APOBEC3G: variants seen among roughly 807,000 people sequenced by gnomAD.
The protein encoded by APOBEC3G is DNA dC->dU-editing enzyme APOBEC-3G.
In APOBEC3G, 44 loss-of-function variants were observed where a neutral mutation model predicts 50.0. The ratio of observed to expected loss-of-function variants is 0.88; its 90% confidence interval spans 0.69 to 1.13. The LOEUF (loss-of-function observed/expected upper bound fraction) is 1.13. Ranked by LOEUF, APOBEC3G falls within the 50% of genes most tolerant of loss-of-function variation. APOBEC3G has a pLI of 0.00. For synonymous variants in APOBEC3G, 156 were observed against 175.3 expected (o/e 0.89, Z 0.87); for missense variants, 469 against 492.0 (o/e 0.95, Z 0.44).
rs1349807999 is a variant in APOBEC3G at position 39,081,327 on chromosome 22, G to C, written c.466+100G>C. ...GTGGGTCTGCTCTGATGCCTGCAAA[G>C]GCCAAGTGTCCCAGGGGAGCCTGTG... On this transcript the variant is annotated intron_variant, in intron 3 of 7. Coordinates refer to ENST00000407997, the MANE Select transcript of APOBEC3G (RefSeq NM_021822.4). 7 of 1,557,152 alleles carry C rather than the reference G, an allele frequency of 4.5e-6. No individual in the cohort carries two copies. The African/African-American group carries it at 8.1e-5, about 18-fold the overall frequency.
rs1357485481 is a variant in APOBEC3G at position 39,077,319 on chromosome 22, G to A, written c.-43G>A. Reference sequence around the variant, plus strand: ...AGCTTGGAGCAGAAAGTGAAACCCTGGTGCTCCAGACAAAGATCTTAGTCG... The same window carrying A: ...AGCTTGGAGCAGAAAGTGAAACCCTAGTGCTCCAGACAAAGATCTTAGTCG... On this transcript the variant is annotated 5_prime_UTR_variant, in exon 1 of 8. Transcript: ENST00000407997. 6.4e-7 allele frequency: 1 copy of A among 1,561,738 alleles called. No homozygotes were observed. Among genetic ancestry groups the A allele is most frequent in the Non-Finnish European group, 8.7e-7 (1 of 1,152,092 alleles).
At chr22:39,081,737 T>C in intron 4 of APOBEC3G, 152 bp downstream of exon 4, 1 of 625,212 alleles carries the variant, frequency 1.6e-6, no homozygotes, top group Non-Finnish European at 2.8e-6. Context: ...TTACACTCCC[T>C]CACCCACACT....
chr22:39,077,153 G>A (rs1402730343), upstream of APOBEC3G: 2 of 714,544 alleles, frequency 2.8e-6, no homozygotes, highest in Non-Finnish European at 4.6e-6. Flanking sequence ...GGGCCCCAGA[G>A]AAAACCAGAA....
intron 1 of APOBEC3G, among the ~76,000 whole-genome samples, chr22:39,078,355 A>C (rs1376410094): frequency 6.6e-6 from 1 of 152,244 alleles, no homozygotes; most frequent in South Asian, 2.1e-4. Flanking sequence ...AAATTTAGTA[A>C]GAAGAGAGCC....
chr22:39,081,600 C>T lies in APOBEC3G; in HGVS notation c.581+15C>T. On this transcript the variant is annotated intron_variant, in intron 4 of 7. Transcript: ENST00000407997. ...GAGATTCTCAGGTGAGGGTCTCCCT[C>T]CAGGCTCATCGCCTCGCTCCTCTCA... 6.3e-7 allele frequency: 1 copy of T among 1,598,622 alleles called. No homozygotes were observed. The highest frequency in any genetic ancestry group is 8.6e-7 in the Non-Finnish European group (1 of 1,166,724).
At chr22:39,077,221 A>C, upstream of APOBEC3G, 1 of 1,446,128 alleles carries the variant, frequency 6.9e-7, no homozygotes, top group Non-Finnish European at 9.5e-7. Flanking sequence ...CCAGCGCCTG[A>C]GCAGGAAGCG....
Position 39,085,945 on chromosome 22 carries a change from C to T in APOBEC3G, c.736-334C>T, listed in dbSNP as rs117309320. Among the ~76,000 whole-genome samples the T allele has an allele frequency of 4.3e-3, 649 of 152,208 alleles. 2 individuals are homozygous for T. The highest frequency in any genetic ancestry group is 7.0e-3 in the Admixed American group (107 of 15,266). ...CTTGATAACTGGGGTTTGGTGCCCC[C>T]GTCTAATTTTGTGCTGGAGGCTGCC... On this transcript the variant is annotated intron_variant, in intron 5 of 7. Transcript: ENST00000407997.
At chr22:39,083,687 C>T (rs779806845) in intron 4 of APOBEC3G, 44 bp from the exon 5 acceptor site, 1 of 1,603,524 alleles carries the variant, frequency 6.2e-7, no homozygotes, top group African/African-American at 1.3e-5. Flanking sequence ...GTGGGACAGA[C>T]CAGGAGGGCT....
At chr22:39,078,718 CTCTT>C (rs1928281327) in intron 1 of APOBEC3G, 3 of 592,256 alleles carry the variant, frequency 5.1e-6, no homozygotes, top group Non-Finnish European at 8.5e-6. Context: ...GTCTCTCTCT[CTCTT>C]TTTTTTTGAG....
intron 4 of APOBEC3G, chr22:39,081,943 A>G: frequency 4.9e-6 from 1 of 202,914 alleles, no homozygotes; most frequent in South Asian, 9.4e-5. Flanking sequence ...GAATAGTCAC[A>G]AGCCCGGCAG....
In APOBEC3G at chr22:39,086,864, G is replaced by C. The variant is rs953830730; in HGVS notation, c.1025-147G>C. On this transcript the variant is annotated intron_variant, in intron 6 of 7. Transcript: ENST00000407997. ...AGATTCCAATAGGAAAGAAGTGCCT[G>C]ATGAAGGAGCTAAGTCCCTAGGGGA... is the stretch of plus-strand genomic sequence containing the variant. 12 of 1,049,266 alleles carry C rather than the reference G, an allele frequency of 1.1e-5. No individual in the cohort carries two copies. In the African/African-American group the frequency reaches 1.9e-4, roughly 17 times the overall value. 65.0% of individuals were successfully genotyped at this position (1,049,266 alleles called of 1,614,324 possible).
At chr22:39,085,108 T>C (rs1223277240) in intron 5 of APOBEC3G, among the ~76,000 whole-genome samples, 1 of 152,138 alleles carries the variant, frequency 6.6e-6, no homozygotes, top group Admixed American at 6.5e-5. Flanking sequence ...CCGAGTCCTC[T>C]CTGCACTGGA....
At position 39,086,581 on chromosome 22, in the gene APOBEC3G, C is replaced by A; in HGVS notation, c.1024+14C>A. 6.3e-7 allele frequency: 1 copy of A among 1,579,558 alleles called. No individual in the cohort carries two copies. The highest frequency in any genetic ancestry group is 1.2e-5 in the South Asian group (1 of 86,476). Reference sequence around the variant, plus strand: ...TGACATACAGTGGTGAGAATGGAAGCCTGGAGTAGGATGGGGTCAGCCAGG... The same window carrying A: ...TGACATACAGTGGTGAGAATGGAAGACTGGAGTAGGATGGGGTCAGCCAGG... On this transcript the variant is annotated intron_variant, in intron 6 of 7. Transcript: ENST00000407997.
At chr22:39,087,324 T>C in intron 7 of APOBEC3G, 83 bp from the exon 8 acceptor site, 2 of 1,605,818 alleles carry the variant, frequency 1.2e-6, no homozygotes, top group Non-Finnish European at 1.7e-6. Context: ...TCTCCGATCA[T>C]TGTCACTGTC....
rs1260564593 is a variant in APOBEC3G at position 39,078,793 on chromosome 22, G to A, written c.18-139G>A. 7.9e-6 allele frequency: 10 copies of A among 1,269,624 alleles called. 1 individual carries two copies. The African/African-American group carries it at 1.1e-4, about 14-fold the overall frequency. The allele number at this position is 1,269,624 out of a possible 1,614,324, so 78.6% of individuals were successfully genotyped here. A position where few individuals can be genotyped will look rare whatever the true frequency, so the allele number is the denominator to read the frequency against. On this transcript the variant is annotated intron_variant, in intron 1 of 7. Coordinates refer to ENST00000407997, the MANE Select transcript of APOBEC3G (RefSeq NM_021822.4). Reference sequence around the variant, plus strand: ...AGTGGCGCGATCTTGGCTCACTACAGTCTCCGCCGAAATTCTCAGGGGAGG... The same window carrying A: ...AGTGGCGCGATCTTGGCTCACTACAATCTCCGCCGAAATTCTCAGGGGAGG...
At chr22:39,080,615 C>A (rs1928393788) in intron 2 of APOBEC3G, 2 of 344,052 alleles carry the variant, frequency 5.8e-6, no homozygotes, top group South Asian at 4.3e-5. Context: ...ACTGCCCCCC[C>A]AGCTAGAGGG....
intron 7 of APOBEC3G, 38 bp from the exon 8 acceptor site, chr22:39,087,369 C>A (rs562177159): frequency 7.7e-5 from 125 of 1,614,038 alleles, no homozygotes; most frequent in Non-Finnish European, 1.0e-4. Flanking sequence ...TTTCCACTCG[C>A]TCACCCTTTG....
chr22:39,087,586 G>C lies in APOBEC3G; in HGVS notation c.*165G>C. The C allele has an allele frequency of 7.5e-7, 1 of 1,334,380 alleles. No homozygotes were observed. 82.7% of individuals were successfully genotyped at this position (1,334,380 alleles called of 1,614,324 possible). Reference sequence around the variant, plus strand: ...ACCAAGTAGATTCTTTTAAAAATTAGAGTGCATTACTTTGAATCAAAAATT... The same window carrying C: ...ACCAAGTAGATTCTTTTAAAAATTACAGTGCATTACTTTGAATCAAAAATT... On this transcript the variant is annotated 3_prime_UTR_variant, in exon 8 of 8. Transcript: ENST00000407997.
chr22:39,087,354 C>G (rs200761010), intron 7 of APOBEC3G, 53 bp from the exon 8 acceptor site: 1 of 1,613,736 alleles, frequency 6.2e-7, no homozygotes, highest in East Asian at 2.2e-5. Flanking sequence ...CCACCATATG[C>G]CTACTTTCCA....
Sources: gnomAD v4.1 joint callset for allele counts (sites outside exome capture counted in the v4.1 genomes callset) on GRCh38, gnomAD v4.1.1 for gene constraint, MANE v1.5 for transcripts, NCBI Gene and HGNC (gene_info 2026-07-23, HGNC 2026-07-21) for gene names.